DCAF8L2: variants seen among roughly 807,000 people sequenced by gnomAD.
DCAF8L2 encodes the protein DDB1- and CUL4-associated factor 8-like protein 2.
For synonymous variants in DCAF8L2, 200 were observed against 190.9 expected, an observed-to-expected ratio of 1.05 and a Z score of -0.39; for missense variants, 430 against 490.7, an observed-to-expected ratio of 0.88 and a Z score of 1.17.
chrX:27,611,611 A>C (rs76248031), intron 1 of DCAF8L2, among the ~76,000 whole-genome samples: 4 of 106,994 alleles, frequency 3.7e-5, no homozygotes, highest in Admixed American at 2.0e-4. Flanking sequence ...ACCCCACGAC[A>C]GGCCCCGGTG....
the DCAF8L2 span, among the ~76,000 whole-genome samples, chrX:27,487,590 T>A: frequency 2.7e-5 from 3 of 112,521 alleles, no homozygotes; most frequent in Admixed American, 2.8e-4. Context: ...GCCTTGATTT[T>A]ACATTTTTGA....
intron 1 of DCAF8L2, among the ~76,000 whole-genome samples, chrX:27,615,278 A>T (rs1013521764): frequency 8.9e-6 from 1 of 111,927 alleles, no homozygotes; most frequent in Non-Finnish European, 1.9e-5. Flanking sequence ...TTGCCTTAGA[A>T]CTAAAAAGTC....
At chrX:27,609,095 G>A (rs1288786226) in intron 1 of DCAF8L2, among the ~76,000 whole-genome samples, 7 of 111,502 alleles carry the variant, frequency 6.3e-5, no homozygotes, top group African/African-American at 2.3e-4. Context: ...CATGTATCAC[G>A]AACTATGGGC....
intron 3 of DCAF8L2, among the ~76,000 whole-genome samples, chrX:27,691,331 T>C (rs1376398288): frequency 8.9e-6 from 1 of 111,739 alleles, no homozygotes; most frequent in East Asian, 2.8e-4. Context: ...GATAATGCTG[T>C]TTCCTAAACA....
At chrX:27,691,534 ATTTTC>A (rs1022530083) in intron 3 of DCAF8L2, among the ~76,000 whole-genome samples, 3 of 111,643 alleles carry the variant, frequency 2.7e-5, no homozygotes, top group Non-Finnish European at 5.7e-5. Context: ...ATGATAGCTA[ATTTTC>A]ATTGAAACAT....
At chrX:27,487,136 C>G in the DCAF8L2 span, among the ~76,000 whole-genome samples, 9 of 112,057 alleles carry the variant, frequency 8.0e-5, no homozygotes, top group Non-Finnish European at 1.5e-4. Context: ...TTAGTTTCCT[C>G]TAGTAACATT....
the DCAF8L2 span, among the ~76,000 whole-genome samples, chrX:27,519,998 T>C: frequency 1.8e-5 from 2 of 111,817 alleles, no homozygotes; most frequent in Non-Finnish European, 3.8e-5. Context: ...TATGTAAAAT[T>C]TGGTTTTTAA....
chrX:27,736,877 G>A (rs1921553116), intron 4 of DCAF8L2, among the ~76,000 whole-genome samples: 1 of 110,980 alleles, frequency 9.0e-6, no homozygotes, highest in African/African-American at 3.3e-5. Flanking sequence ...CAAATGTACA[G>A]TCGAATTTTC....
the DCAF8L2 span, among the ~76,000 whole-genome samples, chrX:27,516,910 C>T: frequency 9.0e-6 from 1 of 111,476 alleles, no homozygotes; most frequent in African/African-American, 3.3e-5. Context: ...TATTAATAAT[C>T]TGTTTTTCTA....
At chrX:27,604,257 C>G (rs949133350) in intron 1 of DCAF8L2, among the ~76,000 whole-genome samples, 2 of 111,259 alleles carry the variant, frequency 1.8e-5, no homozygotes, top group East Asian at 5.6e-4. Flanking sequence ...TCTTTACTTG[C>G]CATGAACAGT....
intron 1 of DCAF8L2, among the ~76,000 whole-genome samples, chrX:27,591,010 TATATAA>T (rs1239987628): frequency 1.0e-5 from 1 of 97,247 alleles, no homozygotes; most frequent in African/African-American, 3.6e-5. Context: ...TATATATATA[TATATAA>T]ATAAATAATT....
Position 27,747,160 on chromosome X carries a change from G to T in DCAF8L2, c.265G>T (p.Asp89Tyr), listed in dbSNP as rs1294485367. 9 of 1,165,094 alleles carry T rather than the reference G, an allele frequency of 7.7e-6. No homozygotes were observed. Among genetic ancestry groups the T allele is most frequent in the Non-Finnish European group, 1.0e-5 (9 of 872,531 alleles). The change falls in exon 5 of 5, where the codon GAC becomes TAC. Residue 89 changes from aspartate to tyrosine, a missense_variant. Coordinates refer to ENST00000451261, the MANE Select transcript of DCAF8L2 (RefSeq NM_001353450.2). ...SEDIELESLE[D>Y]FEHFLMSGES... is the part of the protein sequence containing the mutation. ...AGACATCGAACTTGAGAGCTTGGAG[G>T]ACTTTGAGCATTTCCTCATGAGTGG...
At chrX:27,614,169 G>T (rs1373789183) in intron 1 of DCAF8L2, among the ~76,000 whole-genome samples, 1 of 110,521 alleles carries the variant, frequency 9.0e-6, no homozygotes, top group Non-Finnish European at 1.9e-5. Flanking sequence ...CTTCTTCCTG[G>T]TTTAGTCTTG....
At chrX:27,608,994 T>C (rs1233435732) in intron 1 of DCAF8L2, among the ~76,000 whole-genome samples, 1 of 111,151 alleles carries the variant, frequency 9.0e-6, no homozygotes, top group African/African-American at 3.3e-5. Context: ...TAAACTTAGC[T>C]GACATCCCAA....
chrX:27,618,128 CAAAAT>C (rs1927563594), intron 1 of DCAF8L2, among the ~76,000 whole-genome samples: 1 of 111,151 alleles, frequency 9.0e-6, no homozygotes. Flanking sequence ...AATGAATTTG[CAAAAT>C]AAAATTACAG....
At chrX:27,667,053 T>C (rs1373949132) in intron 2 of DCAF8L2, among the ~76,000 whole-genome samples, 1 of 110,096 alleles carries the variant, frequency 9.1e-6, no homozygotes, top group Non-Finnish European at 1.9e-5. Context: ...ATACTGCTGG[T>C]TCAAGAACCA....
At chrX:27,687,688 C>T (rs1234873191) in intron 3 of DCAF8L2, among the ~76,000 whole-genome samples, 1 of 110,818 alleles carries the variant, frequency 9.0e-6, no homozygotes, top group African/African-American at 3.3e-5. Context: ...ATCCCGTCTA[C>T]AAAAAAAGTT....
chrX:27,594,541 C>G (rs770722512), intron 1 of DCAF8L2, among the ~76,000 whole-genome samples: 86 of 111,522 alleles, frequency 7.7e-4, no homozygotes, highest in African/African-American at 2.7e-3. Flanking sequence ...AAATACCTTT[C>G]TAAATCAAAT....
chrX:27,614,722 T>C (rs1405287714), intron 1 of DCAF8L2, among the ~76,000 whole-genome samples: 59 of 104,854 alleles, frequency 5.6e-4, no homozygotes, highest in Admixed American at 9.2e-4. Context: ...CCAGTAGTCA[T>C]TCAGGAGCAG....
Sources: allele counts gnomAD v4.1 joint callset (sites outside exome capture counted in the v4.1 genomes callset), GRCh38; gene constraint gnomAD v4.1.1; transcripts MANE v1.5; gene names NCBI Gene and HGNC (gene_info 2026-07-23, HGNC 2026-07-21).